The following KYAT1 variants were observed in gnomAD, a reference collection of about 807,000 sequenced individuals.
KYAT1 encodes the protein kynurenine--oxoglutarate transaminase 1.
KYAT1 carries 47 observed loss-of-function variants against 52.4 expected under a neutral mutation model. The ratio of observed to expected loss-of-function variants is 0.90; its 90% CI spans 0.71 to 1.14. The LOEUF (loss-of-function observed/expected upper bound fraction) is 1.14, where lower values mean the gene tolerates loss of function less well. Among genes scored for constraint, KYAT1 ranks in the 50% most tolerant of loss-of-function variants. The pLI is 0.00. For synonymous variants in KYAT1, 212 were observed against 209.6 expected, an observed-to-expected ratio of 1.01 and a Z score of -0.10; for missense variants, 480 against 557.9, an observed-to-expected ratio of 0.86 and a Z score of 1.41.
At chr9:128,866,158 G>A (rs765292019) in intron 1 of KYAT1, among the ~76,000 whole-genome samples, 2 of 152,118 alleles carry the variant, frequency 1.3e-5, no homozygotes, top group Non-Finnish European at 2.9e-5. Flanking sequence ...TCCAAGGAGC[G>A]CACAATCTAA....
In KYAT1 at chr9:128,833,467, G is replaced by T; in HGVS notation, c.*117C>A. ...GAACATTCTGTGTCACGGAGAAGAG[G>T]TTTCCCAATAGCATCTTCCCCAACC... On this transcript the variant is annotated 3_prime_UTR_variant, in exon 13 of 13. Transcript: ENST00000302586. 9.4e-7 allele frequency: 1 copy of T among 1,062,822 alleles called. No individual in the cohort carries two copies. The highest frequency in any genetic ancestry group is 1.4e-6 in the Non-Finnish European group (1 of 698,622). The allele number at this position is 1,062,822 out of a possible 1,614,324, so 65.8% of individuals were successfully genotyped here.
At chr9:128,865,330 TATATATATATATATATATATATATATATA>T (rs1429994898) in intron 1 of KYAT1, among the ~76,000 whole-genome samples, 320 of 2,432 alleles carry the variant, frequency 0.13, 34 homozygotes, top group Non-Finnish European at 0.22. Context: ...TATATATATA[TATATATATATATATATATATATATATATA>T]TTTTTTTTTT....
intron 1 of KYAT1, among the ~76,000 whole-genome samples, chr9:128,869,854 A>G (rs974115763): frequency 1.3e-5 from 2 of 151,592 alleles, no homozygotes; most frequent in South Asian, 2.1e-4. Flanking sequence ...CCTGGGTTCA[A>G]GCGATTCTCC....
At chr9:128,867,908 G>A (rs1210498060) in intron 1 of KYAT1, among the ~76,000 whole-genome samples, 1 of 152,080 alleles carries the variant, frequency 6.6e-6, no homozygotes, top group Non-Finnish European at 1.5e-5. Flanking sequence ...GAGTAGCTGG[G>A]ACTACAGGTG....
At chr9:128,868,694 G>A (rs916477918) in intron 1 of KYAT1, among the ~76,000 whole-genome samples, 3 of 150,614 alleles carry the variant, frequency 2.0e-5, no homozygotes, top group Non-Finnish European at 3.0e-5. Context: ...ATGCCACCAT[G>A]CCTGGCTAAT....
intron 3 of KYAT1, chr9:128,840,495 C>T (rs1831951239): frequency 2.8e-6 from 1 of 352,336 alleles, no homozygotes; most frequent in Non-Finnish European, 5.4e-6. Context: ...AGGTGATCTG[C>T]CAGCCTTAGC....
At chr9:128,882,235 G>T (rs1214412274), upstream of KYAT1, 1 of 152,936 alleles carries the variant, frequency 6.5e-6, no homozygotes, top group Non-Finnish European at 1.5e-5. Context: ...CGGGCGGCCG[G>T]GCGCGGCGAG....
At chr9:128,855,431 G>C (rs960989755) in intron 1 of KYAT1, among the ~76,000 whole-genome samples, 6 of 152,208 alleles carry the variant, frequency 3.9e-5, no homozygotes, top group Non-Finnish European at 8.8e-5. Flanking sequence ...GCTTACTGTG[G>C]CCTCGCACCA....
At chr9:128,848,749 G>A (rs943858201) in intron 1 of KYAT1, among the ~76,000 whole-genome samples, 1 of 150,968 alleles carries the variant, frequency 6.6e-6, no homozygotes, top group African/African-American at 2.4e-5. Flanking sequence ...CTTAGGAGGT[G>A]GAGGATGCAG....
At chr9:128,882,292 C>T (rs1420756582), upstream of KYAT1, 1 of 155,444 alleles carries the variant, frequency 6.4e-6, no homozygotes, top group Non-Finnish European at 1.4e-5. Context: ...GCTGTCACCT[C>T]TCGAAACCCA....
chr9:128,833,908 C>A (rs1022764380), intron 11 of KYAT1, 82 bp from the exon 12 acceptor site: 10 of 1,103,208 alleles, frequency 9.1e-6, no homozygotes, highest in Non-Finnish European at 1.4e-5. Context: ...GAGGTTCCCA[C>A]GACCAGGCGG....
intron 1 of KYAT1, among the ~76,000 whole-genome samples, chr9:128,865,308 CATAT>C (rs869044608): frequency 4.9e-4 from 18 of 36,908 alleles, no homozygotes; most frequent in Non-Finnish European, 6.1e-4. Flanking sequence ...GCAGAGCCTA[CATAT>C]ATATATATAT....
At chr9:128,880,375 A>G (rs1486045865) in intron 1 of KYAT1, among the ~76,000 whole-genome samples, 1 of 152,150 alleles carries the variant, frequency 6.6e-6, no homozygotes, top group East Asian at 1.9e-4. Context: ...GGCGAGGGAT[A>G]AGCTAGATCA....
Position 128,833,641 on chromosome 9 carries a change from A to C in KYAT1, c.1212T>G (p.Asp404Glu). ...DHYIRFCFVK[D>E]EATLQAMDEK... is the part of the protein sequence containing the mutation. Reference sequence around the variant, plus strand: ...CGTCCATGGCCTGGAGCGTGGCTTCATCCTGCGCCAGCACAGATTAGTCCT... The same window carrying C: ...CGTCCATGGCCTGGAGCGTGGCTTCCTCCTGCGCCAGCACAGATTAGTCCT... Residue 404 changes from aspartate (D) to glutamate (E), a missense_variant and splice_region_variant, in exon 13 of 13, where the codon GAT (aspartate) becomes GAG (glutamate). Transcript: ENST00000302586. The C allele has an allele frequency of 6.2e-7, 1 of 1,614,200 alleles. No individual in the cohort carries two copies. The highest frequency in any genetic ancestry group is 1.3e-5 in the African/African-American group (1 of 75,040).
At chr9:128,865,349 A>AT (rs1836186026) in intron 1 of KYAT1, among the ~76,000 whole-genome samples, 1 of 4,190 alleles carries the variant, frequency 2.4e-4, no homozygotes, top group Non-Finnish European at 5.3e-4. Context: ...ATATATATAT[A>AT]TATATATATA....
intron 1 of KYAT1, among the ~76,000 whole-genome samples, chr9:128,881,377 G>A (rs1588180410): frequency 6.6e-6 from 1 of 152,156 alleles, no homozygotes; most frequent in East Asian, 1.9e-4. Flanking sequence ...CACCGCAACC[G>A]GCCCAACGCT....
chr9:128,833,979 C>T (rs745902413), intron 11 of KYAT1, among the ~76,000 whole-genome samples, 153 bp from the exon 12 acceptor site: 3 of 152,232 alleles, frequency 2.0e-5, no homozygotes, highest in Non-Finnish European at 4.4e-5. Flanking sequence ...GGAACAAGGC[C>T]AGGTGCGGTG....
chr9:128,857,245 G>A (rs139619666), intron 1 of KYAT1, among the ~76,000 whole-genome samples: 3,094 of 152,232 alleles, frequency 0.02, 109 homozygotes, highest in African/African-American at 0.07. Context: ...CTCTCCTACT[G>A]CATTCCTCTT....
chr9:128,833,534 G>T lies in KYAT1; in HGVS notation c.*50C>A. 1 of 1,555,562 alleles carries T rather than the reference G, an allele frequency of 6.4e-7. No homozygotes were observed. Among genetic ancestry groups the T allele is most frequent in the South Asian group, 1.1e-5 (1 of 89,882 alleles). Reference sequence around the variant, plus strand: ...CTGGACAAAGACAGACACTCAAAGAGGATCTCTGCGGGCATGTGGGGATGT... The same window carrying T: ...CTGGACAAAGACAGACACTCAAAGATGATCTCTGCGGGCATGTGGGGATGT... On this transcript the variant is annotated 3_prime_UTR_variant, in exon 13 of 13. Coordinates refer to ENST00000302586, the MANE Select transcript of KYAT1 (RefSeq NM_004059.5).
Sources: allele counts gnomAD v4.1 joint callset (sites outside exome capture counted in the v4.1 genomes callset), GRCh38; gene constraint gnomAD v4.1.1; transcripts MANE v1.5; gene names NCBI Gene and HGNC (gene_info 2026-07-23, HGNC 2026-07-21).